DNAJC10: variants seen among roughly 807,000 people sequenced by gnomAD.
The protein encoded by DNAJC10 is endoplasmic reticulum disulfide reductase DNAJC10.
A neutral mutation model predicts 115.0 loss-of-function variants in DNAJC10; 101 were observed. The observed-to-expected ratio is 0.88, with a 90% CI of 0.75 to 1.04. DNAJC10 has a LOEUF of 1.04. Among genes scored for constraint, DNAJC10 ranks in the 50% least tolerant of loss-of-function variants. The pLI is 0.00. For missense variants in DNAJC10, 981 were observed against 928.8 expected (o/e 1.06, Z -0.73); for synonymous variants, 307 against 301.5 (o/e 1.02, Z -0.19).
At position 182,780,115 on chromosome 2, in the gene DNAJC10, A is replaced by G. The variant is rs1285349919; in HGVS notation, c.*2983A>G. 6.6e-6 allele frequency: 1 copy of G among 152,164 alleles called. No individual in the cohort carries two copies. Among genetic ancestry groups the G allele is most frequent in the Non-Finnish European group, 1.5e-5 (1 of 68,038 alleles). The allele number at this position is 152,164 out of a possible 1,614,324, so 9.4% of individuals were successfully genotyped here. On this transcript the variant is annotated 3_prime_UTR_variant, in exon 24 of 24. Coordinates refer to ENST00000264065, the MANE Select transcript of DNAJC10 (RefSeq NM_018981.4). ...TCTGATAATATTCTACTTTACACAT[A>G]TACTGAAAACTTACTTACATATACC... is the stretch of plus-strand genomic sequence containing the variant.
intron 22 of DNAJC10, among the ~76,000 whole-genome samples, chr2:182,770,056 G>A (rs1260946070): frequency 2.0e-5 from 3 of 152,132 alleles, no homozygotes; most frequent in Admixed American, 2.0e-4. Context: ...AGTTTTCTCA[G>A]CACCATTTAT....
chr2:182,753,926 A>G (rs901618754), intron 16 of DNAJC10, among the ~76,000 whole-genome samples: 1 of 152,134 alleles, frequency 6.6e-6, no homozygotes, highest in Non-Finnish European at 1.5e-5. Context: ...CATTAAACAT[A>G]TGTGAGTTCA....
intron 22 of DNAJC10, among the ~76,000 whole-genome samples, chr2:182,765,617 TC>T (rs1445015053): frequency 1.3e-5 from 2 of 152,174 alleles, no homozygotes; most frequent in Non-Finnish European, 2.9e-5. Flanking sequence ...TCTTTAGCTG[TC>T]CCCAGGTAGT....
intron 10 of DNAJC10, among the ~76,000 whole-genome samples, chr2:182,733,296 C>T (rs925485431): frequency 4.0e-5 from 6 of 151,842 alleles, no homozygotes; most frequent in African/African-American, 1.4e-4. Context: ...GATTTGTTTA[C>T]ACAAATTCTG....
rs1694950628 is a variant in DNAJC10 at position 182,786,580 on chromosome 2, C to G, written c.*9448C>G. On this transcript the variant is annotated 3_prime_UTR_variant, in exon 24 of 24. Coordinates refer to ENST00000264065, the MANE Select transcript of DNAJC10 (RefSeq NM_018981.4). ...TCTTCCTAAGGTGTGACCTCCTGTT[C>G]CCAAAGGAATAGACCTAGGTGACCA... 2 of 152,154 alleles carry G rather than the reference C, an allele frequency of 1.3e-5. No homozygotes were observed. The highest frequency in any genetic ancestry group is 4.8e-5 in the African/African-American group (2 of 41,428). 9.4% of individuals were successfully genotyped at this position (152,154 alleles called of 1,614,324 possible). A position where few individuals can be genotyped will look rare whatever the true frequency, so the allele number is the denominator to read the frequency against.
chr2:182,732,879 G>A, intron 10 of DNAJC10: 2 of 268,628 alleles, frequency 7.4e-6, no homozygotes, highest in Non-Finnish European at 1.4e-5. Context: ...AATGTATATA[G>A]CTCTCATGTT....
rs529509624 is a variant in DNAJC10 at position 182,762,597 on chromosome 2, A to C, written c.2146-85A>C. 30 of 1,370,186 alleles carry C rather than the reference A, an allele frequency of 2.2e-5. No homozygotes were observed. The South Asian group carries it at 3.8e-4, about 17-fold the overall frequency. 84.9% of individuals were successfully genotyped at this position (1,370,186 alleles called of 1,614,324 possible). On this transcript the variant is annotated intron_variant, in intron 21 of 23. Coordinates refer to ENST00000264065, the MANE Select transcript of DNAJC10 (RefSeq NM_018981.4). Reference sequence around the variant, plus strand: ...GTTTTTTAAATAAATTCTTAGATTCAAAATGTTTTATATCCTATTGCTTTG... The same window carrying C: ...GTTTTTTAAATAAATTCTTAGATTCCAAATGTTTTATATCCTATTGCTTTG...
intron 5 of DNAJC10, among the ~76,000 whole-genome samples, chr2:182,723,729 A>C (rs1007350022): frequency 6.6e-5 from 10 of 152,340 alleles, no homozygotes; most frequent in African/African-American, 2.4e-4. Context: ...CTAATCCATG[A>C]GTCTACCTAG....
chr2:182,751,171 TC>T (rs1454270099), intron 14 of DNAJC10, among the ~76,000 whole-genome samples: 1 of 113,740 alleles, frequency 8.8e-6, no homozygotes, highest in Non-Finnish European at 1.7e-5. Flanking sequence ...GGAGTCTCAC[TC>T]TCACCAGGCT....
rs371382130 is a variant in DNAJC10, at chr2:182,752,201, A to T, written c.1551+13A>T. 2.0e-5 allele frequency: 27 copies of T among 1,318,364 alleles called. No individual in the cohort carries two copies. In the African/African-American group the frequency reaches 2.5e-4, roughly 12 times the overall value. The allele number at this position is 1,318,364 out of a possible 1,614,324, so 81.7% of individuals were successfully genotyped here. A position where few individuals can be genotyped will look rare whatever the true frequency, so the allele number is the denominator to read the frequency against. On this transcript the variant is annotated intron_variant, in intron 16 of 23. Transcript: ENST00000264065. ...ACTCTGTAACATGGTAAGGCAAAGTATCAAAAATTATTCTAATTAATTTTA... is the reference window on the plus strand; with the variant it reads ...ACTCTGTAACATGGTAAGGCAAAGTTTCAAAAATTATTCTAATTAATTTTA...
intron 22 of DNAJC10, among the ~76,000 whole-genome samples, chr2:182,764,459 G>T (rs926676313): frequency 6.6e-6 from 1 of 152,120 alleles, no homozygotes; most frequent in Non-Finnish European, 1.5e-5. Context: ...CTAAATAGGT[G>T]CAGGGTGGAA....
chr2:182,745,855 A>G (rs1196879337), intron 14 of DNAJC10, among the ~76,000 whole-genome samples: 2 of 152,124 alleles, frequency 1.3e-5, no homozygotes, highest in Non-Finnish European at 2.9e-5. Context: ...GTCATCGAGC[A>G]TTAGGTATAT....
chr2:182,720,058 G>A lies in DNAJC10; in HGVS notation c.256G>A (p.Val86Ile), dbSNP rs1693110475. The A allele has an allele frequency of 3.1e-6, 5 of 1,600,446 alleles. No individual in the cohort carries two copies. The highest frequency in any genetic ancestry group is 4.3e-6 in the Non-Finnish European group (5 of 1,168,164). ...TTTAAAAATAAATAGAGCATATGAA[G>A]TACTCAAAGATGAAGATCTACGGAA... is the stretch of plus-strand genomic sequence containing the variant. ...DFLKINRAYE[V>I]LKDEDLRKKY... Residue 86 changes from valine (V) to isoleucine (I), a missense_variant, in exon 4 of 24, where the codon GTA becomes ATA. Physicochemically the swap from Val to Ile is conservative, Grantham distance 29. Coordinates refer to ENST00000264065, the MANE Select transcript of DNAJC10 (RefSeq NM_018981.4).
chr2:182,721,818 T>A (rs1693156551), intron 4 of DNAJC10, among the ~76,000 whole-genome samples: 2 of 152,108 alleles, frequency 1.3e-5, no homozygotes, highest in African/African-American at 4.8e-5. Context: ...AGAGTCCATA[T>A]CAGAATTCTA....
intron 22 of DNAJC10, among the ~76,000 whole-genome samples, chr2:182,763,247 C>T (rs1694330786): frequency 6.6e-6 from 1 of 152,090 alleles, no homozygotes; most frequent in Non-Finnish European, 1.5e-5. Context: ...AAGTAATGAG[C>T]TTCCTTTGTG....
At position 182,720,045 on chromosome 2, in the gene DNAJC10, T is replaced by C. The variant is rs1693109556; in HGVS notation, c.243T>C (p.Asn81=). 1 of 1,587,932 alleles carries C rather than the reference T, an allele frequency of 6.3e-7. No individual in the cohort carries two copies. The highest frequency in any genetic ancestry group is 8.6e-7 in the Non-Finnish European group (1 of 1,160,256). Residue 81 remains asparagine, a synonymous_variant, in exon 4 of 24, where the codon AAT becomes AAC. Coordinates refer to ENST00000264065, the MANE Select transcript of DNAJC10 (RefSeq NM_018981.4). The part of the protein sequence containing the change: ...PNAHGDFLKI[N]RAYEVLKDED... ...CACATGGCGATTTTTTAAAAATAAA[T>C]AGAGCATATGAAGTACTCAAAGATG...
chr2:182,727,215 C>CATACGTGTGCATGTGT (rs1558998681), intron 5 of DNAJC10, among the ~76,000 whole-genome samples: 1 of 149,810 alleles, frequency 6.7e-6, no homozygotes, highest in African/African-American at 2.5e-5. Flanking sequence ...CTGAGGTATG[C>CATACGTGTGCATGTGT]CTGTTACCAG....
intron 22 of DNAJC10, among the ~76,000 whole-genome samples, chr2:182,765,698 A>T (rs539183125): frequency 6.6e-6 from 1 of 152,266 alleles, no homozygotes; most frequent in Admixed American, 6.5e-5. Context: ...CTGTTCTCGA[A>T]AAGAGAGCCC....
At chr2:182,744,031 T>A (rs111394368) in intron 14 of DNAJC10, among the ~76,000 whole-genome samples, 131 of 152,340 alleles carry the variant, frequency 8.6e-4, no homozygotes, top group African/African-American at 3.0e-3. Flanking sequence ...GCCATGTGTA[T>A]CATCTCAGCC....
Sources: allele counts gnomAD v4.1 joint callset (sites outside exome capture counted in the v4.1 genomes callset), GRCh38; gene constraint gnomAD v4.1.1; transcripts MANE v1.5; gene names NCBI Gene and HGNC (gene_info 2026-07-23, HGNC 2026-07-21).